PCDHGA11: variants seen among roughly 807,000 people sequenced by gnomAD.
The protein encoded by PCDHGA11 is protocadherin gamma subfamily A, 11, also known as protocadherin gamma-A11.
Under a neutral mutation model 60.4 loss-of-function variants are expected in PCDHGA11, and 39 were observed. That is an observed-to-expected ratio of 0.65 (90% CI 0.50 to 0.84). PCDHGA11 has a LOEUF of 0.84. Among genes scored for constraint, PCDHGA11 ranks in the 40% least tolerant of loss-of-function variants. PCDHGA11 has a pLI of 0.00. For missense variants in PCDHGA11, 1,165 were observed against 1,197.7 expected (o/e 0.97, Z 0.40); for synonymous variants, 533 against 510.3 (o/e 1.04, Z -0.60).
intron 2 of PCDHGA11, among the ~76,000 whole-genome samples, chr5:141,500,035 CTT>C: frequency 6.6e-6 from 1 of 152,100 alleles, no homozygotes; most frequent in East Asian, 1.9e-4. Flanking sequence ...GTGAGTGTCT[CTT>C]AAGTATCTTA....
intron 3 of PCDHGA11, among the ~76,000 whole-genome samples, chr5:141,507,803 G>GAC (rs2099863701): frequency 6.6e-6 from 1 of 152,228 alleles, no homozygotes; most frequent in Admixed American, 6.5e-5. Flanking sequence ...CCTGCGCCCT[G>GAC]GGGAACGGAC....
In PCDHGA11 at chr5:141,431,482, G is replaced by C. The variant is rs781371030; in HGVS notation, c.2433+7822G>C. ...TGGATGCGAACGACAACGCACCAGCGTTTGCTCAGCCCGAGTACCGCGCGA... is the reference window on the plus strand; with the variant it reads ...TGGATGCGAACGACAACGCACCAGCCTTTGCTCAGCCCGAGTACCGCGCGA... On this transcript the variant is annotated intron_variant, in intron 1 of 3. Coordinates refer to ENST00000398587, the MANE Select transcript of PCDHGA11 (RefSeq NM_018914.3). The surrounding 1 kb of genome is among the most constrained non-coding windows in gnomAD (Gnocchi z 4.8). The C allele has an allele frequency of 6.8e-6, 11 of 1,613,800 alleles. No individual in the cohort carries two copies. The Admixed American group carries it at 1.3e-4, about 20-fold the overall frequency.
In PCDHGA11 at chr5:141,432,827, A is replaced by G. The variant is rs758445645; in HGVS notation, c.2433+9167A>G. ...AGCTAACTCTGAAACCTCAGACCTC[A>G]CTCTGTACCTGGTGGTAGCGGTGGC... On this transcript the variant is annotated intron_variant, in intron 1 of 3. Transcript: ENST00000398587. The surrounding 1 kb of genome is among the most constrained non-coding windows in gnomAD (Gnocchi z 6.0). 9 of 1,613,142 alleles carry G rather than the reference A, an allele frequency of 5.6e-6. No individual in the cohort carries two copies. Among genetic ancestry groups the G allele is most frequent in the Admixed American group, 1.7e-5 (1 of 59,958 alleles).
chr5:141,427,013 T>A, intron 1 of PCDHGA11: 2 of 456,846 alleles, frequency 4.4e-6, no homozygotes, highest in Non-Finnish European at 8.8e-6. Flanking sequence ...TTAGCCAGGA[T>A]GTATACAAAG....
chr5:141,500,176 A>ATTTT (rs1468241826), intron 2 of PCDHGA11, among the ~76,000 whole-genome samples: 91 of 145,916 alleles, frequency 6.2e-4, no homozygotes, highest in African/African-American at 2.3e-3. Context: ...CATGAGCTTC[A>ATTTT]TTTTTATTTT....
At chr5:141,460,455 A>G (rs1021070289) in intron 1 of PCDHGA11, among the ~76,000 whole-genome samples, 2 of 152,080 alleles carry the variant, frequency 1.3e-5, no homozygotes, top group African/African-American at 4.8e-5. Context: ...GAAGATTCAT[A>G]TTTTTTTCCA....
intron 1 of PCDHGA11, among the ~76,000 whole-genome samples, chr5:141,458,079 C>G (rs1016889225): frequency 6.6e-6 from 1 of 152,186 alleles, no homozygotes; most frequent in Non-Finnish European, 1.5e-5. Context: ...AACTATATTG[C>G]CGTAAGTTAA....
intron 2 of PCDHGA11, among the ~76,000 whole-genome samples, chr5:141,504,118 G>A (rs948008198): frequency 6.6e-6 from 1 of 152,096 alleles, no homozygotes; most frequent in African/African-American, 2.4e-5. Flanking sequence ...GTGTGCCAGG[G>A]CTGTTTCCCG....
chr5:141,467,055 C>CTTTTT (rs1193465269), intron 1 of PCDHGA11, among the ~76,000 whole-genome samples: 1 of 134,496 alleles, frequency 7.4e-6, no homozygotes, highest in Non-Finnish European at 1.6e-5. Context: ...TCAATGTTTT[C>CTTTTT]TTTTTTTTTT....
chr5:141,427,150 T>C (rs570999921), intron 1 of PCDHGA11: 6 of 456,866 alleles, frequency 1.3e-5, no homozygotes, highest in African/African-American at 4.0e-5. Flanking sequence ...ATTGGAAATA[T>C]GTTTGTGCTA....
chr5:141,498,119 T>C (rs780741291), intron 2 of PCDHGA11, among the ~76,000 whole-genome samples: 42 of 152,192 alleles, frequency 2.8e-4, no homozygotes, highest in Non-Finnish European at 4.8e-4. Flanking sequence ...AATAGGGATT[T>C]GATTTAGGGA....
At chr5:141,492,216 C>T (rs1163022229) in intron 1 of PCDHGA11, among the ~76,000 whole-genome samples, 1 of 152,140 alleles carries the variant, frequency 6.6e-6, no homozygotes, top group Non-Finnish European at 1.5e-5. Context: ...GCGCGGGGCT[C>T]ATGCGTGTCC....
At position 141,423,365 on chromosome 5, in the gene PCDHGA11, T is replaced by A. The variant is rs1338039878; in HGVS notation, c.2138T>A (p.Leu713Gln). The stretch of plus-strand genomic sequence containing the variant: ...TTCCTGGTCTTTGTCATCGTGCTGC[T>A]GGCACTCAGGCTGTGGCGCTGGCAT... Reference protein sequence around the residue: ...CIFLVFVIVLLALRLWRWHKS... With the variant: ...CIFLVFVIVLQALRLWRWHKS... The change falls in exon 1 of 4, where the codon CTG (leucine) becomes CAG (glutamine). Residue 713 changes from leucine (L) to glutamine (Q), a missense_variant. Leu to Gln is a moderately radical substitution (Grantham distance 113, BLOSUM62 -2). Transcript: ENST00000398587. 3 of 1,614,096 alleles carry A rather than the reference T, an allele frequency of 1.9e-6. No individual in the cohort carries two copies. Among genetic ancestry groups the A allele is most frequent in the South Asian group, 1.1e-5 (1 of 91,086 alleles).
intron 1 of PCDHGA11, among the ~76,000 whole-genome samples, chr5:141,473,350 G>A (rs28461214): frequency 0.13 from 19,833 of 152,204 alleles, 1,410 homozygotes; most frequent in African/African-American, 0.17. Context: ...CAGTGAGGAT[G>A]CAAGTGGCCA....
Position 141,490,637 on chromosome 5 carries a change from A to C in PCDHGA11, c.2434-4170A>C. ...CTTTACACTGCTTACATCCTAGAAA[A>C]CCGGCCTCCGGGCTCCCTTCTTTGC... is the stretch of plus-strand genomic sequence containing the variant. On this transcript the variant is annotated intron_variant, in intron 1 of 3. Coordinates refer to ENST00000398587, the MANE Select transcript of PCDHGA11 (RefSeq NM_018914.3). This position sits in a 1 kb window ranked among gnomAD's most constrained non-coding sequence, Gnocchi z 5.4. 1 of 1,614,108 alleles carries C rather than the reference A, an allele frequency of 6.2e-7. No individual in the cohort carries two copies. Among genetic ancestry groups the C allele is most frequent in the Non-Finnish European group, 8.5e-7 (1 of 1,179,992 alleles).
At position 141,490,908 on chromosome 5, in the gene PCDHGA11, C is replaced by A; in HGVS notation, c.2434-3899C>A. On this transcript the variant is annotated intron_variant, in intron 1 of 3. Coordinates refer to ENST00000398587, the MANE Select transcript of PCDHGA11 (RefSeq NM_018914.3). The surrounding 1 kb of genome is among the most constrained non-coding windows in gnomAD (Gnocchi z 5.4). The stretch of plus-strand genomic sequence containing the variant: ...CATCTCTGCATGTGTTTGTCCTAGA[C>A]GAGAATGATAATGCCCCAGCTGTGC... The A allele has an allele frequency of 6.2e-7, 1 of 1,613,710 alleles. No homozygotes were observed. Among genetic ancestry groups the A allele is most frequent in the Non-Finnish European group, 8.5e-7 (1 of 1,179,754 alleles).
chr5:141,433,228 C>G (rs2097577964), intron 1 of PCDHGA11: 7 of 1,522,184 alleles, frequency 4.6e-6, no homozygotes, highest in Non-Finnish European at 5.4e-6. Flanking sequence ...TTTAATTGCT[C>G]TGTCTCCCAA....
At position 141,487,116 on chromosome 5, in the gene PCDHGA11, A is replaced by G. The variant is rs749256818; in HGVS notation, c.2434-7691A>G. On this transcript the variant is annotated intron_variant, in intron 1 of 3. Transcript: ENST00000398587. This position sits in a 1 kb window ranked among gnomAD's most constrained non-coding sequence, Gnocchi z 5.0. ...CCACAGAAGCTGGTCATTGTGGTAA[A>G]GGATAGTGGTAGTCCACCACTCTCT... The G allele has an allele frequency of 3.1e-6, 5 of 1,614,022 alleles. No individual in the cohort carries two copies.
intron 1 of PCDHGA11, among the ~76,000 whole-genome samples, chr5:141,494,469 C>T (rs2099754623): frequency 6.6e-6 from 1 of 152,114 alleles, no homozygotes; most frequent in Non-Finnish European, 1.5e-5. Flanking sequence ...GCACCTCTTC[C>T]CCCAGTTCCA....
Sources: gnomAD v4.1 joint callset for allele counts (sites outside exome capture counted in the v4.1 genomes callset) on GRCh38, gnomAD v4.1.1 for gene constraint, Gnocchi (gnomAD v3.1) non-coding constraint, MANE v1.5 for transcripts, NCBI Gene and HGNC (gene_info 2026-07-23, HGNC 2026-07-21) for gene names.